The following GALNT9 variants were observed in gnomAD, a reference collection of about 807,000 sequenced individuals.
GALNT9 encodes GalNAc transferase 9.
A neutral mutation model predicts 63.1 loss-of-function variants in GALNT9; 47 were observed. That is an observed-to-expected ratio of 0.75 (90% CI 0.59 to 0.95). The LOEUF is 0.95. Ranked by LOEUF, GALNT9 falls within the 40% of genes least tolerant of loss-of-function variation. The pLI, the probability that GALNT9 is intolerant of heterozygous loss-of-function variation, is 0.00. For synonymous variants in GALNT9, 396 were observed against 365.7 expected (o/e 1.08, Z -0.94); for missense variants, 829 against 874.8 (o/e 0.95, Z 0.66).
At chr12:132,258,945 CG>C (rs34529807) in intron 4 of GALNT9, among the ~76,000 whole-genome samples, 11,775 of 152,276 alleles carry the variant, frequency 0.077, 625 homozygotes, top group African/African-American at 0.15. Context: ...AGGGCAGATT[CG>C]GGTCGGCTCA....
intron 8 of GALNT9, chr12:132,200,471 G>A (rs1427274918): frequency 6.6e-6 from 1 of 152,280 alleles, no homozygotes; most frequent in African/African-American, 2.4e-5. Context: ...GTATGAACGT[G>A]GCTCCGCATA....
At position 132,282,746 on chromosome 12, in the gene GALNT9, C is replaced by T. The variant is rs1880411535; in HGVS notation, c.419+3504G>A. 1.3e-5 allele frequency: 2 copies of T among 152,200 alleles called. No individual in the cohort carries two copies. Among genetic ancestry groups the T allele is most frequent in the Non-Finnish European group, 2.9e-5 (2 of 68,082 alleles). The allele number at this position is 152,200 out of a possible 1,614,324, so 9.4% of individuals were successfully genotyped here. A position where few individuals can be genotyped will look rare whatever the true frequency, so the allele number is the denominator to read the frequency against. ...CCACCTGACCAGCCCTGAGCCAACC[C>T]CTAGGTCTGGGGTGACCTTCACGCT... On this transcript the variant is annotated intron_variant, in intron 2 of 10. Transcript: ENST00000328957. This position sits in a 1 kb window ranked among gnomAD's most constrained non-coding sequence, Gnocchi z 4.5.
intron 6 of GALNT9, among the ~76,000 whole-genome samples, chr12:132,219,591 C>T (rs534208618): frequency 2.6e-5 from 4 of 152,202 alleles, no homozygotes; most frequent in African/African-American, 9.6e-5. Context: ...CTGAAACCAG[C>T]TCTGATGGAC....
chr12:132,318,459 AG>A (rs36070843), intron 1 of GALNT9, among the ~76,000 whole-genome samples: 8,363 of 152,278 alleles, frequency 0.055, 734 homozygotes, highest in African/African-American at 0.19. Context: ...CCTCCAACAC[AG>A]GGGCCTCAGG....
At position 132,318,280 on chromosome 12, in the gene GALNT9, G is replaced by A. The variant is rs547446736; in HGVS notation, c.238+10686C>T. Among the ~76,000 whole-genome samples the A allele has an allele frequency of 1.7e-4, 26 of 152,372 alleles. No homozygotes were observed. The East Asian group carries it at 2.9e-3, about 17-fold the overall frequency. ...GCCAGGCAAGCGTGGGCGGCAGGACGCTGACCAAGAACGCTGGATGATGCA... is the reference window on the plus strand; with the variant it reads ...GCCAGGCAAGCGTGGGCGGCAGGACACTGACCAAGAACGCTGGATGATGCA... On this transcript the variant is annotated intron_variant, in intron 1 of 10. Coordinates refer to ENST00000328957, the MANE Select transcript of GALNT9 (RefSeq NM_001122636.2).
At chr12:132,268,050 C>T (rs1271331325) in intron 2 of GALNT9, among the ~76,000 whole-genome samples, 1 of 151,090 alleles carries the variant, frequency 6.6e-6, no homozygotes, top group Non-Finnish European at 1.5e-5. Context: ...CACACAAACC[C>T]ACATGTGGTC....
rs55659410 is a variant in GALNT9, at chr12:132,267,766, T to C, written c.420-5141A>G. Among the ~76,000 whole-genome samples the C allele has an allele frequency of 8.1e-3, 1,131 of 139,784 alleles. 38 individuals carry two copies. In the South Asian group the frequency reaches 0.089, roughly 11 times the overall value. 91.7% of individuals were successfully genotyped at this position (139,784 alleles called of 152,430 possible). On this transcript the variant is annotated intron_variant, in intron 2 of 10. Coordinates refer to ENST00000328957, the MANE Select transcript of GALNT9 (RefSeq NM_001122636.2). Reference sequence around the variant, plus strand: ...ACAAGCACACACACTCACACACACATGCACTCACACACACGCACACACACG... The same window carrying C: ...ACAAGCACACACACTCACACACACACGCACTCACACACACGCACACACACG...
In GALNT9 at chr12:132,315,928, G is replaced by A. The variant is rs938743647; in HGVS notation, c.238+13038C>T. Reference sequence around the variant, plus strand: ...ATGGGGACTTGGAGCATGAGAAAGCGGACAGCCTCTGGCCCTGAGAACAGT... The same window carrying A: ...ATGGGGACTTGGAGCATGAGAAAGCAGACAGCCTCTGGCCCTGAGAACAGT... On this transcript the variant is annotated intron_variant, in intron 1 of 10. Transcript: ENST00000328957. This position sits in a 1 kb window ranked among gnomAD's most constrained non-coding sequence, Gnocchi z 6.1. Among the ~76,000 whole-genome samples the A allele has an allele frequency of 2.0e-5, 3 of 152,204 alleles. No homozygotes were observed. The highest frequency in any genetic ancestry group is 7.2e-5 in the African/African-American group (3 of 41,450).
intron 6 of GALNT9, among the ~76,000 whole-genome samples, chr12:132,225,650 TAC>T (rs1309338470): frequency 4.6e-5 from 6 of 129,054 alleles, no homozygotes; most frequent in African/African-American, 1.8e-4. Flanking sequence ...ACACTGTATA[TAC>T]ACACCCCACA....
chr12:132,312,911 C>T (rs1311630506), intron 1 of GALNT9, among the ~76,000 whole-genome samples: 3 of 152,232 alleles, frequency 2.0e-5, no homozygotes, highest in East Asian at 3.9e-4. Flanking sequence ...CTGCTCAACT[C>T]CACATGGATG....
intron 6 of GALNT9, among the ~76,000 whole-genome samples, chr12:132,237,268 T>C (rs2136895299): frequency 1.6e-4 from 25 of 152,008 alleles, no homozygotes; most frequent in Non-Finnish European, 3.5e-4. Flanking sequence ...CCACACCTGT[T>C]CATACCTGTC....
Position 132,302,581 on chromosome 12 carries a change from T to C in GALNT9, c.239-16151A>G, listed in dbSNP as rs893423221. Among the ~76,000 whole-genome samples, 3 of 152,188 alleles carry C rather than the reference T, an allele frequency of 2.0e-5. No homozygotes were observed. The East Asian group carries it at 5.8e-4, about 29-fold the overall frequency. Reference sequence around the variant, plus strand: ...GCTGCCTGGGTGGGGCAGGTCCAGGTGGCCCTGGTGAACGCAGCACACACC... The same window carrying C: ...GCTGCCTGGGTGGGGCAGGTCCAGGCGGCCCTGGTGAACGCAGCACACACC... On this transcript the variant is annotated intron_variant, in intron 1 of 10. Coordinates refer to ENST00000328957, the MANE Select transcript of GALNT9 (RefSeq NM_001122636.2).
At chr12:132,241,695 C>A (rs1177752914) in intron 6 of GALNT9, among the ~76,000 whole-genome samples, 4 of 100,284 alleles carry the variant, frequency 4.0e-5, no homozygotes, top group Admixed American at 1.0e-4. Flanking sequence ...ATACCCATTA[C>A]ACACACAACA....
intron 6 of GALNT9, among the ~76,000 whole-genome samples, chr12:132,228,497 G>A (rs1022990146): frequency 2.7e-5 from 4 of 150,692 alleles, no homozygotes; most frequent in Admixed American, 1.3e-4. Flanking sequence ...GCACCTCCTC[G>A]CTCCCTCCCC....
intron 4 of GALNT9, 90 bp downstream of exon 4, chr12:132,260,858 C>A (rs1311431103): frequency 7.0e-7 from 1 of 1,429,000 alleles, no homozygotes; most frequent in Non-Finnish European, 9.1e-7. Context: ...GCCAACCCAG[C>A]GGCCAGGCTG....
intron 2 of GALNT9, among the ~76,000 whole-genome samples, chr12:132,269,420 G>A (rs552165239): frequency 1.1e-4 from 16 of 152,286 alleles, no homozygotes; most frequent in African/African-American, 2.6e-4. Flanking sequence ...GGTCAGCAGC[G>A]TCCTCCGGGC....
At position 132,296,911 on chromosome 12, in the gene GALNT9, T is replaced by C. The variant is rs79538552; in HGVS notation, c.239-10481A>G. Among the ~76,000 whole-genome samples, 4,624 of 151,886 alleles carry C rather than the reference T, an allele frequency of 0.03. 138 individuals are homozygous for C. Among genetic ancestry groups the C allele is most frequent in the East Asian group, 0.13 (672 of 5,146 alleles). On this transcript the variant is annotated intron_variant, in intron 1 of 10. Coordinates refer to ENST00000328957, the MANE Select transcript of GALNT9 (RefSeq NM_001122636.2). The surrounding 1 kb of genome is among the most constrained non-coding windows in gnomAD (Gnocchi z 4.2). ...CACACAAACCAACTCACTCCCAAGA[T>C]ACCCAACTCACTCCTGAAATAACAA... is the stretch of plus-strand genomic sequence containing the variant.
At position 132,196,645 on chromosome 12, in the gene GALNT9, G is replaced by T; in HGVS notation, c.*462C>A. Reference sequence around the variant, plus strand: ...CACAAGGAGCTGCATTATGATGTGTGACTTAGGTCTTGGTTGGAGGGCTGA... The same window carrying T: ...CACAAGGAGCTGCATTATGATGTGTTACTTAGGTCTTGGTTGGAGGGCTGA... On this transcript the variant is annotated 3_prime_UTR_variant, in exon 11 of 11. Transcript: ENST00000328957. 1 of 999,394 alleles carries T rather than the reference G, an allele frequency of 1.0e-6. No individual in the cohort carries two copies. Among genetic ancestry groups the T allele is most frequent in the East Asian group, 1.1e-4 (1 of 9,194 alleles). 61.9% of individuals were successfully genotyped at this position (999,394 alleles called of 1,614,324 possible). A position where few individuals can be genotyped will look rare whatever the true frequency, so the allele number is the denominator to read the frequency against.
chr12:132,289,083 T>G (rs1880713430), intron 1 of GALNT9, among the ~76,000 whole-genome samples: 1 of 152,222 alleles, frequency 6.6e-6, no homozygotes, highest in African/African-American at 2.4e-5. Context: ...GGGCATATCT[T>G]GCCGTGAATC....
Sources: gnomAD v4.1 joint callset for allele counts (sites outside exome capture counted in the v4.1 genomes callset) on GRCh38, gnomAD v4.1.1 for gene constraint, Gnocchi (gnomAD v3.1) non-coding constraint, MANE v1.5 for transcripts, NCBI Gene and HGNC (gene_info 2026-07-23, HGNC 2026-07-21) for gene names.